Variants in NTRK2 observed in about 807,000 individuals in gnomAD.
The protein encoded by NTRK2 is BDNF/NT-3 growth factors receptor.
Under a neutral mutation model 94.5 loss-of-function variants are expected in NTRK2, and 13 were observed. That is an observed-to-expected ratio of 0.14 (90% CI 0.09 to 0.22). NTRK2 has a LOEUF of 0.22. Ranked by LOEUF, NTRK2 falls within the 10% of genes least tolerant of loss-of-function variation. The pLI, the probability that NTRK2 is intolerant of heterozygous loss-of-function variation, is 1.00. For missense variants in NTRK2, 639 were observed against 1,071.2 expected (o/e 0.60, Z 5.63); for synonymous variants, 372 against 407.4 (o/e 0.91, Z 1.05).
intron 17 of NTRK2, among the ~76,000 whole-genome samples, chr9:84,978,185 C>G: frequency 6.6e-6 from 1 of 152,136 alleles, no homozygotes; most frequent in Non-Finnish European, 1.5e-5. Flanking sequence ...AAAGATTAAA[C>G]TTAGTAAGGA....
chr9:84,837,674 G>A lies in NTRK2; in HGVS notation c.1397-23366G>A, dbSNP rs78892889. On this transcript the variant is annotated intron_variant, in intron 12 of 18. Transcript: ENST00000277120. ...TCAAAGAATAATCACATGCTACTAT[G>A]ATAAACTCAGGATCCAGTAACTAAG... 2.9e-3 allele frequency among the ~76,000 whole-genome samples: 440 copies of A among 152,310 alleles called. 1 individual carries two copies. Among genetic ancestry groups the A allele is most frequent in the African/African-American group, 9.9e-3 (412 of 41,578 alleles).
At chr9:84,845,050 C>T (rs950007831) in intron 12 of NTRK2, among the ~76,000 whole-genome samples, 5 of 152,056 alleles carry the variant, frequency 3.3e-5, no homozygotes, top group Admixed American at 6.6e-5. Context: ...AACAGTATGG[C>T]GATTCTTTAA....
chr9:84,765,832 T>TAGAA (rs1208676487), intron 12 of NTRK2, among the ~76,000 whole-genome samples: 1 of 152,124 alleles, frequency 6.6e-6, no homozygotes, highest in Non-Finnish European at 1.5e-5. Flanking sequence ...TAGTGTTCAT[T>TAGAA]AGAAAAAATA....
chr9:84,707,223 T>C (rs1229904000), intron 4 of NTRK2, among the ~76,000 whole-genome samples: 3 of 152,226 alleles, frequency 2.0e-5, no homozygotes, highest in African/African-American at 4.8e-5. Context: ...AATCTGAAGA[T>C]GGTATGTCAC....
In NTRK2 at chr9:84,806,325, A is replaced by C. The variant is rs567888487; in HGVS notation, c.1396+54240A>C. The stretch of plus-strand genomic sequence containing the variant: ...AGAAGGCTTTTGCACTGGATCTTGA[A>C]GAATAGTCTGAGCGTCTCAAAGGAG... On this transcript the variant is annotated intron_variant, in intron 12 of 18. Coordinates refer to ENST00000277120, the MANE Select transcript of NTRK2 (RefSeq NM_006180.6). Among the ~76,000 whole-genome samples the C allele has an allele frequency of 6.6e-5, 10 of 152,322 alleles. No homozygotes were observed. The South Asian group carries it at 1.7e-3, about 25-fold the overall frequency.
At chr9:84,899,347 G>A (rs1178466415) in intron 14 of NTRK2, among the ~76,000 whole-genome samples, 1 of 152,238 alleles carries the variant, frequency 6.6e-6, no homozygotes, top group Non-Finnish European at 1.5e-5. Flanking sequence ...TAGACAGGGT[G>A]TGTTTAAAAT....
intron 14 of NTRK2, among the ~76,000 whole-genome samples, chr9:84,897,922 G>A (rs2076807585): frequency 6.6e-6 from 1 of 152,140 alleles, no homozygotes; most frequent in Non-Finnish European, 1.5e-5. Flanking sequence ...TCGTAGCCAT[G>A]GCAACCACAG....
chr9:84,779,163 C>T (rs914470952), intron 12 of NTRK2, among the ~76,000 whole-genome samples: 1 of 152,106 alleles, frequency 6.6e-6, no homozygotes, highest in Non-Finnish European at 1.5e-5. Flanking sequence ...AAACAACAAG[C>T]AATAATAATA....
At chr9:84,980,359 C>T (rs1827434621) in intron 17 of NTRK2, among the ~76,000 whole-genome samples, 2 of 152,136 alleles carry the variant, frequency 1.3e-5, no homozygotes, top group Admixed American at 1.3e-4. Context: ...CTTCTTTTGA[C>T]TTACTTACTT....
At chr9:84,819,757 T>C (rs2133677982) in intron 12 of NTRK2, among the ~76,000 whole-genome samples, 1 of 152,304 alleles carries the variant, frequency 6.6e-6, no homozygotes, top group East Asian at 1.9e-4. Context: ...TGGCTCCAGC[T>C]CTGTCTGGGA....
At chr9:84,975,208 CT>C (rs1335748987) in intron 17 of NTRK2, among the ~76,000 whole-genome samples, 1 of 152,074 alleles carries the variant, frequency 6.6e-6, no homozygotes, top group Non-Finnish European at 1.5e-5. Flanking sequence ...AGAAGTGGAG[CT>C]TTTTTCCCCC....
At chr9:84,727,561 T>C in intron 8 of NTRK2, 93 bp from the exon 9 acceptor site, 3 of 1,241,716 alleles carry the variant, frequency 2.4e-6, no homozygotes, top group Non-Finnish European at 3.5e-6. Context: ...CAAACAATGG[T>C]TGAGTAAAAT....
chr9:84,709,961 C>CTG (rs35954183), intron 5 of NTRK2, among the ~76,000 whole-genome samples: 6,123 of 115,256 alleles, frequency 0.053, 163 homozygotes, highest in African/African-American at 0.1. Flanking sequence ...ATAGCTTGCT[C>CTG]TGTGTGTGTG....
At chr9:84,901,033 A>G (rs927813131) in intron 14 of NTRK2, among the ~76,000 whole-genome samples, 7 of 152,228 alleles carry the variant, frequency 4.6e-5, no homozygotes, top group African/African-American at 1.7e-4. Flanking sequence ...CATTGTAAAT[A>G]GAATGGTGTT....
At chr9:84,828,176 T>C (rs2073305918) in intron 12 of NTRK2, among the ~76,000 whole-genome samples, 1 of 152,186 alleles carries the variant, frequency 6.6e-6, no homozygotes, top group African/African-American at 2.4e-5. Context: ...TACAAATGTC[T>C]ATAATTACAT....
intron 17 of NTRK2, among the ~76,000 whole-genome samples, chr9:85,012,319 G>T (rs1162718815): frequency 6.6e-6 from 1 of 151,982 alleles, no homozygotes; most frequent in African/African-American, 2.4e-5. Flanking sequence ...GCTCATTGAA[G>T]TATAATATGC....
At chr9:84,793,365 T>G (rs1301663756) in intron 12 of NTRK2, among the ~76,000 whole-genome samples, 1 of 152,064 alleles carries the variant, frequency 6.6e-6, no homozygotes, top group Non-Finnish European at 1.5e-5. Context: ...AAGTAGAGGA[T>G]TTTATTGATT....
intron 14 of NTRK2, chr9:84,877,994 G>A (rs1468410501): frequency 2.1e-6 from 2 of 969,854 alleles, no homozygotes; most frequent in Admixed American, 6.0e-5. Flanking sequence ...AAGGCACCAC[G>A]AACAGAGCTC....
At chr9:84,980,838 G>A (rs1329273330) in intron 17 of NTRK2, among the ~76,000 whole-genome samples, 1 of 152,224 alleles carries the variant, frequency 6.6e-6, no homozygotes, top group Non-Finnish European at 1.5e-5. Context: ...CCTCAAAATA[G>A]GAGTAAATGC....
Sources: gnomAD v4.1 joint callset for allele counts (sites outside exome capture counted in the v4.1 genomes callset) on GRCh38, gnomAD v4.1.1 for gene constraint, MANE v1.5 for transcripts, NCBI Gene and HGNC (gene_info 2026-07-23, HGNC 2026-07-21) for gene names.